Variants in SLIT3 observed in about 807,000 individuals in gnomAD.
SLIT3 encodes the protein slit homolog 3 protein.
In SLIT3, 68 loss-of-function variants were observed where a neutral mutation model predicts 184.0. That is an observed-to-expected ratio of 0.37 (90% CI 0.30 to 0.45). The LOEUF (loss-of-function observed/expected upper bound fraction) is 0.45, where lower values mean the gene tolerates loss of function less well. Ranked by LOEUF, SLIT3 falls within the 20% of genes least tolerant of loss-of-function variation. The pLI is 1.00. For missense variants in SLIT3, 1,707 were observed against 2,026.0 expected, an observed-to-expected ratio of 0.84 and a Z score of 3.02; for synonymous variants, 831 against 828.6, an observed-to-expected ratio of 1.00 and a Z score of -0.05.
intron 4 of SLIT3, among the ~76,000 whole-genome samples, chr5:169,016,465 A>T (rs1756379172): frequency 6.6e-6 from 1 of 152,210 alleles, no homozygotes; most frequent in Non-Finnish European, 1.5e-5. Context: ...GGGATATAAT[A>T]TGCAAGTTTA....
intron 4 of SLIT3, among the ~76,000 whole-genome samples, chr5:168,915,073 A>G (rs151066967): frequency 1.9e-3 from 297 of 152,326 alleles, no homozygotes; most frequent in African/African-American, 6.7e-3. Flanking sequence ...AGCTTTTACC[A>G]ATTCTTTATT....
intron 20 of SLIT3, among the ~76,000 whole-genome samples, chr5:168,735,637 TACAC>T (rs1386901651): frequency 7.1e-6 from 1 of 141,076 alleles, no homozygotes; most frequent in Non-Finnish European, 1.6e-5. Flanking sequence ...TAAATATACA[TACAC>T]ATACATATAG....
chr5:168,694,759 C>T (rs576101729), intron 28 of SLIT3, among the ~76,000 whole-genome samples: 1 of 152,310 alleles, frequency 6.6e-6, no homozygotes, highest in East Asian at 1.9e-4. Context: ...GCTAGGATTA[C>T]AGGTGCCCAC....
chr5:168,947,519 G>T (rs951196586), intron 4 of SLIT3, among the ~76,000 whole-genome samples: 1 of 152,212 alleles, frequency 6.6e-6, no homozygotes, highest in African/African-American at 2.4e-5. Flanking sequence ...AAAAAAACAG[G>T]CTGGGGTGGT....
intron 4 of SLIT3, among the ~76,000 whole-genome samples, chr5:168,997,079 C>A (rs1456997115): frequency 6.6e-6 from 1 of 152,160 alleles, no homozygotes; most frequent in Admixed American, 6.5e-5. Flanking sequence ...GATCAATAAT[C>A]CTGTCTCCTG....
chr5:169,109,150 A>G (rs1581418294), intron 4 of SLIT3, among the ~76,000 whole-genome samples: 1 of 152,368 alleles, frequency 6.6e-6, no homozygotes, highest in Middle Eastern at 3.4e-3. Flanking sequence ...ATTATGTTAT[A>G]TGGCAACAGG....
At chr5:168,956,442 A>T (rs952924285) in intron 4 of SLIT3, among the ~76,000 whole-genome samples, 4 of 152,070 alleles carry the variant, frequency 2.6e-5, no homozygotes, top group African/African-American at 7.3e-5. Flanking sequence ...TAGGTTTATT[A>T]AAAAAAATCA....
chr5:168,675,226 T>C (rs11744726), intron 32 of SLIT3, among the ~76,000 whole-genome samples: 46,635 of 151,862 alleles, frequency 0.31, 7,834 homozygotes, highest in African/African-American at 0.44. Flanking sequence ...TATGGAGGCT[T>C]CCTCTCTCCT....
chr5:169,251,649 T>A (rs1043720864), intron 1 of SLIT3, among the ~76,000 whole-genome samples, 190 bp from the exon 2 acceptor site: 1 of 152,184 alleles, frequency 6.6e-6, no homozygotes, highest in African/African-American at 2.4e-5. Context: ...ATTATGCACA[T>A]AGCAGAACTC....
At chr5:168,754,102 CTG>C in intron 16 of SLIT3, 95 bp from the exon 17 acceptor site, 1 of 1,337,760 alleles carries the variant, frequency 7.5e-7, no homozygotes, top group Non-Finnish European at 1.0e-6. Context: ...TGGGGACTCT[CTG>C]GGGCCCCTGA....
chr5:168,720,593 G>C (rs938429938), intron 23 of SLIT3: 2 of 152,326 alleles, frequency 1.3e-5, no homozygotes, highest in East Asian at 3.8e-4. Flanking sequence ...GGAGAAGGAA[G>C]GGGGAGCAGG....
At chr5:168,670,483 A>C (rs1761203266) in intron 34 of SLIT3, among the ~76,000 whole-genome samples, 1 of 152,214 alleles carries the variant, frequency 6.6e-6, no homozygotes, top group African/African-American at 2.4e-5. Flanking sequence ...CATGGAAAAA[A>C]ATGAAGGTAA....
rs368164370 is a variant in SLIT3 at position 169,036,065 on chromosome 5, C to T, written c.414-152729G>A. The T allele has an allele frequency of 5.9e-5, 9 of 152,290 alleles. No homozygotes were observed. The South Asian group carries it at 8.3e-4, about 14-fold the overall frequency. 9.4% of individuals were successfully genotyped at this position (152,290 alleles called of 1,614,324 possible). ...CTCCATGTGTGGTCCTGTGAAAGTG[C>T]CCTAACTTCTTTCAAATATGTTTTT... On this transcript the variant is annotated intron_variant, in intron 4 of 35. Transcript: ENST00000519560.
At chr5:168,738,002 T>G (rs950875833) in intron 20 of SLIT3, among the ~76,000 whole-genome samples, 5 of 152,216 alleles carry the variant, frequency 3.3e-5, no homozygotes, top group African/African-American at 1.2e-4. Context: ...CATAAGATTC[T>G]GTAAGCTTGC....
chr5:169,145,094 C>T (rs1266139777), intron 4 of SLIT3, among the ~76,000 whole-genome samples: 2 of 152,200 alleles, frequency 1.3e-5, no homozygotes, highest in Non-Finnish European at 2.9e-5. Context: ...GAGAAACACA[C>T]ATTTGTTCAA....
chr5:169,093,774 C>A (rs938076710), intron 4 of SLIT3, among the ~76,000 whole-genome samples: 1 of 152,132 alleles, frequency 6.6e-6, no homozygotes, highest in Non-Finnish European at 1.5e-5. Context: ...AAATAATACA[C>A]AATTGATCAA....
chr5:169,267,889 G>A (rs1020283413), intron 1 of SLIT3, among the ~76,000 whole-genome samples: 4 of 152,194 alleles, frequency 2.6e-5, no homozygotes, highest in Non-Finnish European at 4.4e-5. Flanking sequence ...TTTTCTGAAT[G>A]GTGCCCACCT....
chr5:169,204,212 G>C (rs1485788224), intron 3 of SLIT3, among the ~76,000 whole-genome samples: 1 of 151,818 alleles, frequency 6.6e-6, no homozygotes, highest in Non-Finnish European at 1.5e-5. Context: ...AGGGAGGGAG[G>C]AACTGGTTAG....
At chr5:168,700,490 T>G (rs1762183126) in intron 27 of SLIT3, 92 bp downstream of exon 27, 1 of 912,136 alleles carries the variant, frequency 1.1e-6, no homozygotes, top group Admixed American at 1.9e-5. Context: ...TTAAACTTCT[T>G]TCCTTTATAA....
Sources: allele counts gnomAD v4.1 joint callset (sites outside exome capture counted in the v4.1 genomes callset), GRCh38; gene constraint gnomAD v4.1.1; transcripts MANE v1.5; gene names NCBI Gene and HGNC (gene_info 2026-07-23, HGNC 2026-07-21).